The following XRCC4 variants were observed in gnomAD, a reference collection of about 807,000 sequenced individuals.
XRCC4 encodes X-ray repair cross complementing 4.
In XRCC4, 28 loss-of-function variants were observed where a neutral mutation model predicts 39.1. That is an observed-to-expected ratio of 0.72 (90% CI 0.53 to 0.98). XRCC4 has a LOEUF of 0.98. Ranked by LOEUF, XRCC4 falls within the 50% of genes least tolerant of loss-of-function variation. XRCC4 has a pLI of 0.00. For missense variants in XRCC4, 350 were observed against 376.4 expected, an observed-to-expected ratio of 0.93 and a Z score of 0.58; for synonymous variants, 123 against 126.4, an observed-to-expected ratio of 0.97 and a Z score of 0.18.
the XRCC4 span, among the ~76,000 whole-genome samples, chr5:83,367,469 A>G: frequency 6.6e-6 from 1 of 152,162 alleles, no homozygotes; most frequent in Non-Finnish European, 1.5e-5. Flanking sequence ...TCAGCCAGCC[A>G]TCTGGCTCAG....
intron 7 of XRCC4, among the ~76,000 whole-genome samples, chr5:83,344,948 G>T (rs796828866): frequency 6.6e-6 from 1 of 152,176 alleles, no homozygotes; most frequent in Non-Finnish European, 1.5e-5. Context: ...TGCTAATCTG[G>T]TGTAAAATAT....
intron 7 of XRCC4, among the ~76,000 whole-genome samples, chr5:83,291,457 G>A (rs993233393): frequency 2.0e-5 from 3 of 151,744 alleles, no homozygotes; most frequent in African/African-American, 7.2e-5. Flanking sequence ...GAGTTGGAAA[G>A]GATAAGAAAG....
chr5:83,275,951 A>T (rs1385956544), intron 7 of XRCC4, among the ~76,000 whole-genome samples: 1 of 152,212 alleles, frequency 6.6e-6, no homozygotes, highest in Non-Finnish European at 1.5e-5. Context: ...CCTGGATTTG[A>T]TACCCAGGTG....
At chr5:83,291,394 G>A (rs1164870130) in intron 7 of XRCC4, among the ~76,000 whole-genome samples, 1 of 151,088 alleles carries the variant, frequency 6.6e-6, no homozygotes, top group Non-Finnish European at 1.5e-5. Context: ...TAAAAAATTG[G>A]TCATTTTTCT....
chr5:83,252,235 G>A (rs1298214079), intron 6 of XRCC4, among the ~76,000 whole-genome samples: 4 of 152,060 alleles, frequency 2.6e-5, no homozygotes, highest in South Asian at 2.1e-4. Context: ...ATTTAGGGTT[G>A]TATTTTAAGG....
intron 3 of XRCC4, among the ~76,000 whole-genome samples, chr5:83,119,532 A>T (rs919674181): frequency 1.3e-5 from 2 of 152,168 alleles, no homozygotes; most frequent in Admixed American, 6.6e-5. Flanking sequence ...GTGTTTAGTT[A>T]TACTGTTTTT....
chr5:83,269,733 A>T (rs1052500651), intron 7 of XRCC4, among the ~76,000 whole-genome samples: 2 of 152,054 alleles, frequency 1.3e-5, no homozygotes, highest in South Asian at 2.1e-4. Flanking sequence ...CGGGAAAGAA[A>T]ATATTTAGTA....
At chr5:83,339,760 A>G (rs1006354338) in intron 7 of XRCC4, among the ~76,000 whole-genome samples, 1 of 152,358 alleles carries the variant, frequency 6.6e-6, no homozygotes, top group East Asian at 1.9e-4. Flanking sequence ...TTGACAGCAC[A>G]GGTCACATTC....
At chr5:83,330,707 C>T (rs146039757) in intron 7 of XRCC4, among the ~76,000 whole-genome samples, 1,720 of 152,016 alleles carry the variant, frequency 0.011, 28 homozygotes, top group South Asian at 0.043. Flanking sequence ...ATGTATATTA[C>T]ATATTATGTC....
chr5:83,233,208 G>T lies in XRCC4; in HGVS notation c.746-25322G>T, dbSNP rs142822828. On this transcript the variant is annotated intron_variant, in intron 6 of 7. Coordinates refer to ENST00000396027, the MANE Select transcript of XRCC4 (RefSeq NM_003401.5). ...TGCACAGAAAGGATCAATCTGTAAA[G>T]AAACTTTCATAGTTTAATATGTCTG... Among the ~76,000 whole-genome samples, 476 of 152,284 alleles carry T rather than the reference G, an allele frequency of 3.1e-3. 4 individuals carry two copies. The highest frequency in any genetic ancestry group is 0.011 in the South Asian group (54 of 4,828).
At chr5:83,147,271 A>G (rs1418673701) in intron 3 of XRCC4, among the ~76,000 whole-genome samples, 1 of 152,178 alleles carries the variant, frequency 6.6e-6, no homozygotes, top group Non-Finnish European at 1.5e-5. Flanking sequence ...GAAACAAACA[A>G]AAACTCCATA....
intron 6 of XRCC4, among the ~76,000 whole-genome samples, chr5:83,236,446 G>A (rs1014367639): frequency 6.6e-6 from 1 of 151,946 alleles, no homozygotes; most frequent in Non-Finnish European, 1.5e-5. Context: ...GTTTGAAAAG[G>A]TCACCAAGAA....
At chr5:83,092,273 TA>T (rs1745464586) in intron 1 of XRCC4, among the ~76,000 whole-genome samples, 1 of 152,170 alleles carries the variant, frequency 6.6e-6, no homozygotes, top group African/African-American at 2.4e-5. Context: ...TTACCAAATA[TA>T]TGGACTGCAG....
intron 3 of XRCC4, among the ~76,000 whole-genome samples, chr5:83,115,399 C>T (rs908935498): frequency 6.6e-6 from 1 of 152,080 alleles, no homozygotes; most frequent in Non-Finnish European, 1.5e-5. Flanking sequence ...TGCACTTCAG[C>T]CTGGGCAACA....
intron 4 of XRCC4, among the ~76,000 whole-genome samples, chr5:83,196,750 T>C (rs1486553054): frequency 6.6e-6 from 1 of 151,398 alleles, no homozygotes; most frequent in Non-Finnish European, 1.5e-5. Context: ...ATAATAATTA[T>C]TAGTACATCC....
chr5:83,216,578 G>A (rs1211985445), intron 6 of XRCC4, among the ~76,000 whole-genome samples: 3 of 152,036 alleles, frequency 2.0e-5, no homozygotes, highest in Admixed American at 6.5e-5. Flanking sequence ...TCATCTTCTG[G>A]TGAAACGTTA....
chr5:83,277,258 A>G lies in XRCC4; in HGVS notation c.893+18581A>G, dbSNP rs546932046. Among the ~76,000 whole-genome samples, 130 of 152,318 alleles carry G rather than the reference A, an allele frequency of 8.5e-4. No individual in the cohort carries two copies. In the Middle Eastern group the frequency reaches 0.01, roughly 12 times the overall value. On this transcript the variant is annotated intron_variant, in intron 7 of 7. Transcript: ENST00000396027. ...CAGCTCTCTGCCTTCTGGGCACATG[A>G]TGAAATTGCACTTCACAGCTATCGT...
rs552664923 is a variant in XRCC4, at chr5:83,152,613, A to G, written c.315+41410A>G. ...GTGCCACTGCACTCCAGCCTGGACG[A>G]CAAAGTGAGATCCTGTCTCAAAAAA... On this transcript the variant is annotated intron_variant, in intron 3 of 7. Coordinates refer to ENST00000396027, the MANE Select transcript of XRCC4 (RefSeq NM_003401.5). 8.7e-4 allele frequency among the ~76,000 whole-genome samples: 128 copies of G among 146,360 alleles called. No individual in the cohort carries two copies. The Middle Eastern group carries it at 0.01, about 12-fold the overall frequency.
intron 7 of XRCC4, among the ~76,000 whole-genome samples, chr5:83,304,302 T>C (rs1755401998): frequency 6.6e-6 from 1 of 151,080 alleles, no homozygotes; most frequent in Non-Finnish European, 1.5e-5. Flanking sequence ...ACCTCTGGAG[T>C]AGGTGGGATT....
Sources: allele counts gnomAD v4.1 joint callset (sites outside exome capture counted in the v4.1 genomes callset), GRCh38; gene constraint gnomAD v4.1.1; transcripts MANE v1.5; gene names NCBI Gene and HGNC (gene_info 2026-07-23, HGNC 2026-07-21).